The following CDH9 variants were observed in gnomAD, a reference collection of about 807,000 sequenced individuals.
CDH9 encodes the protein cadherin-9.
In CDH9, 28 loss-of-function variants were observed where a neutral mutation model predicts 70.9. The observed-to-expected ratio is 0.40, with a 90% CI of 0.29 to 0.54. CDH9 has a LOEUF of 0.54. Ranked by LOEUF, CDH9 falls within the 20% of genes least tolerant of loss-of-function variation. The probability of loss-of-function intolerance (pLI) is 0.59; values close to 1 mark genes in which losing one functional copy is unlikely to be tolerated. For synonymous variants in CDH9, 409 were observed against 343.1 expected (o/e 1.19, Z -2.12); for missense variants, 874 against 984.4 (o/e 0.89, Z 1.50).
intron 1 of CDH9, among the ~76,000 whole-genome samples, chr5:26,989,461 A>G (rs1251315914): frequency 6.6e-6 from 1 of 151,988 alleles, no homozygotes; most frequent in Admixed American, 6.6e-5. Context: ...CCTTATCATG[A>G]AAACTAGAAT....
At chr5:26,957,544 C>G (rs1289952392) in intron 2 of CDH9, among the ~76,000 whole-genome samples, 1 of 151,974 alleles carries the variant, frequency 6.6e-6, no homozygotes, top group Non-Finnish European at 1.5e-5. Flanking sequence ...CGCCTGTAAT[C>G]CCAGTTACTC....
At chr5:26,956,880 A>G (rs1046044375) in intron 2 of CDH9, among the ~76,000 whole-genome samples, 1 of 152,114 alleles carries the variant, frequency 6.6e-6, no homozygotes, top group Non-Finnish European at 1.5e-5. Context: ...AATCACTATT[A>G]TTACTAGGGA....
chr5:27,027,509 T>G (rs1254200154), intron 1 of CDH9, among the ~76,000 whole-genome samples: 3 of 151,948 alleles, frequency 2.0e-5, no homozygotes, highest in African/African-American at 4.8e-5. Context: ...AACCCTACAA[T>G]GTAGTTACTG....
chr5:26,914,163 A>G (rs1410312731), intron 3 of CDH9, among the ~76,000 whole-genome samples: 1 of 151,978 alleles, frequency 6.6e-6, no homozygotes, highest in Admixed American at 6.6e-5. Flanking sequence ...CTGGGGAAGG[A>G]TAAGTGAAAG....
intron 7 of CDH9, 180 bp from the exon 8 acceptor site, chr5:26,890,744 T>C (rs1740645995): frequency 1.8e-6 from 1 of 565,092 alleles, no homozygotes; most frequent in Non-Finnish European, 3.2e-6. Flanking sequence ...TATGTTTGAC[T>C]CTTTCTACTT....
chr5:26,952,916 A>C (rs1006771928), intron 2 of CDH9, among the ~76,000 whole-genome samples: 18 of 147,034 alleles, frequency 1.2e-4, no homozygotes, highest in South Asian at 1.0e-3. Flanking sequence ...AAAAAAAAAA[A>C]AAAAAAGTTT....
chr5:26,996,442 C>T (rs904546716), intron 1 of CDH9, among the ~76,000 whole-genome samples: 4 of 151,706 alleles, frequency 2.6e-5, no homozygotes, highest in Admixed American at 2.6e-4. Context: ...TGTTTGATTC[C>T]TAGATTCCTG....
In CDH9 at chr5:26,915,773, C is replaced by T. The variant is rs367589604; in HGVS notation, c.380G>A (p.Arg127His). The T allele has an allele frequency of 5.6e-6, 9 of 1,613,590 alleles. No homozygotes were observed. Among genetic ancestry groups the T allele is most frequent in the Admixed American group, 3.3e-5 (2 of 59,968 alleles). ...DREEKSLYIL[R>H]AKAIDRKTGR... ...AGTTTTTCTGTCTATAGCCTTGGCACGAAGAATGTACAGAGATTTTTCTTC... is the reference window on the plus strand; with the variant it reads ...AGTTTTTCTGTCTATAGCCTTGGCATGAAGAATGTACAGAGATTTTTCTTC... Residue 127 changes from arginine to histidine, a missense_variant, in exon 3 of 12, where the codon CGT (arginine) becomes CAT (histidine). Coordinates refer to ENST00000231021, the MANE Select transcript of CDH9 (RefSeq NM_016279.4).
intron 3 of CDH9, among the ~76,000 whole-genome samples, chr5:26,910,869 C>G (rs754057333): frequency 3.9e-5 from 6 of 152,142 alleles, no homozygotes; most frequent in Non-Finnish European, 8.8e-5. Flanking sequence ...ATTTGAGGAG[C>G]AGGGGTAAAC....
chr5:26,885,662 T>C lies in CDH9; in HGVS notation c.1834A>G (p.Ser612Gly), dbSNP rs776501248. ...AGAATCGCAACGAGAGCTCCCGTGC[T>C]CAGGCCGGCTGAAAGGATCAGGGCT... ...AEALILSAGL[S>G]TGALVAILLC... The change falls in exon 11 of 12, where the codon AGC becomes GGC. Residue 612 changes from serine to glycine, a missense_variant. Ser to Gly is a moderately conservative substitution (Grantham distance 56). Coordinates refer to ENST00000231021, the MANE Select transcript of CDH9 (RefSeq NM_016279.4). The C allele has an allele frequency of 7.4e-6, 12 of 1,613,622 alleles. No individual in the cohort carries two copies. The African/African-American group carries it at 1.6e-4, about 22-fold the overall frequency.
chr5:27,001,874 T>TCC (rs1385720280), intron 1 of CDH9, among the ~76,000 whole-genome samples: 1 of 144,858 alleles, frequency 6.9e-6, no homozygotes, highest in African/African-American at 2.5e-5. Context: ...TCTCTCTCTC[T>TCC]CTCAACAAAA....
At chr5:27,035,783 T>C (rs1219124389) in intron 1 of CDH9, among the ~76,000 whole-genome samples, 2 of 151,594 alleles carry the variant, frequency 1.3e-5, no homozygotes, top group Non-Finnish European at 2.9e-5. Context: ...TTAAGATATC[T>C]TTTTTCTAAT....
At chr5:27,028,315 G>T (rs947472387) in intron 1 of CDH9, 4 of 151,460 alleles carry the variant, frequency 2.6e-5, no homozygotes, top group African/African-American at 7.3e-5. Context: ...AGAGGCAGAC[G>T]TTGCAGTGAG....
intron 1 of CDH9, among the ~76,000 whole-genome samples, chr5:27,009,945 G>A (rs1266569669): frequency 6.6e-6 from 1 of 151,994 alleles, no homozygotes. Flanking sequence ...GCTTTGTTAG[G>A]TGAGACACAG....
intron 1 of CDH9, among the ~76,000 whole-genome samples, chr5:27,013,065 A>T (rs1561040302): frequency 6.6e-6 from 1 of 151,902 alleles, no homozygotes; most frequent in African/African-American, 2.4e-5. Context: ...TTTATTTGTT[A>T]AAATAATCAA....
intron 2 of CDH9, among the ~76,000 whole-genome samples, chr5:26,953,857 A>C (rs1338632277): frequency 6.6e-6 from 1 of 152,186 alleles, no homozygotes; most frequent in Non-Finnish European, 1.5e-5. Flanking sequence ...CAAAACAACC[A>C]GAATGATCCT....
rs1740451952 is a variant in CDH9, at chr5:26,881,093, T to C, written c.*43A>G. 5 of 1,525,724 alleles carry C rather than the reference T, an allele frequency of 3.3e-6. No homozygotes were observed. Among genetic ancestry groups the C allele is most frequent in the Non-Finnish European group, 4.4e-6 (5 of 1,131,104 alleles). 94.5% of individuals were successfully genotyped at this position (1,525,724 alleles called of 1,614,324 possible). A position where few individuals can be genotyped will look rare whatever the true frequency, so the allele number is the denominator to read the frequency against. ...ATGCAGGCCACTCAATCTAATAACA[T>C]AGACAGTACTTCCACTAATATTGAT... On this transcript the variant is annotated 3_prime_UTR_variant, in exon 12 of 12. Transcript: ENST00000231021.
In CDH9 at chr5:26,915,673, T is replaced by G. The variant is rs1319706646; in HGVS notation, c.480A>C (p.Thr160=). ...HDINDNEPKF[T]KDLYTASVPE... is the part of the protein sequence containing the mutation. Reference sequence around the variant, plus strand: ...GAACACTGGCAGTGTATAAGTCTTTTGTAAATTTTGGCTCATTGTCATTGA... The same window carrying G: ...GAACACTGGCAGTGTATAAGTCTTTGGTAAATTTTGGCTCATTGTCATTGA... Residue 160 remains threonine (T), a synonymous_variant, in exon 3 of 12, where the codon ACA becomes ACC. Coordinates refer to ENST00000231021, the MANE Select transcript of CDH9 (RefSeq NM_016279.4). 5 of 1,608,910 alleles carry G rather than the reference T, an allele frequency of 3.1e-6. No homozygotes were observed. In the Admixed American group the frequency reaches 6.7e-5, roughly 21 times the overall value.
intron 7 of CDH9, among the ~76,000 whole-genome samples, chr5:26,893,040 G>A (rs1165143107): frequency 3.9e-5 from 6 of 152,002 alleles, no homozygotes; most frequent in African/African-American, 1.2e-4. Context: ...GCCAGTATTG[G>A]CAATTTTTAA....
Sources: gnomAD v4.1 joint callset for allele counts (sites outside exome capture counted in the v4.1 genomes callset) on GRCh38, gnomAD v4.1.1 for gene constraint, MANE v1.5 for transcripts, NCBI Gene and HGNC (gene_info 2026-07-23, HGNC 2026-07-21) for gene names.